PDE8A: variants seen among roughly 807,000 people sequenced by gnomAD.
PDE8A encodes high affinity cAMP-specific and IBMX-insensitive 3',5'-cyclic phosphodiesterase 8A.
A neutral mutation model predicts 105.0 loss-of-function variants in PDE8A; 59 were observed. The ratio of observed to expected loss-of-function variants is 0.56; its 90% confidence interval spans 0.46 to 0.70. PDE8A has a LOEUF of 0.70. Among genes scored for constraint, PDE8A ranks in the 30% least tolerant of loss-of-function variants. The pLI is 0.00. For synonymous variants in PDE8A, 355 were observed against 371.9 expected, an observed-to-expected ratio of 0.95 and a Z score of 0.52; for missense variants, 1,014 against 1,045.9, an observed-to-expected ratio of 0.97 and a Z score of 0.42.
At chr15:85,059,862 A>C (rs573114018) in intron 1 of PDE8A, among the ~76,000 whole-genome samples, 6 of 152,270 alleles carry the variant, frequency 3.9e-5, no homozygotes, top group Admixed American at 2.0e-4. Context: ...TTAAAAATTA[A>C]CCAGATGAGG....
At chr15:85,081,099 G>GA (rs965041731) in intron 5 of PDE8A, among the ~76,000 whole-genome samples, 5 of 152,206 alleles carry the variant, frequency 3.3e-5, no homozygotes, top group African/African-American at 1.2e-4. Flanking sequence ...AGACCTGGAG[G>GA]AAGGGGATTC....
rs150139665 is a variant in PDE8A at position 85,046,248 on chromosome 15, T to C, written c.187-18122T>C. 5.9e-3 allele frequency among the ~76,000 whole-genome samples: 904 copies of C among 152,036 alleles called. 14 individuals are homozygous for C. The highest frequency in any genetic ancestry group is 0.021 in the African/African-American group (858 of 41,484). ...ATTTTTAGTAGAGACAGGGTTTTAC[T>C]ATGTTGGCTAGGCTGGTCTTGAGCT... On this transcript the variant is annotated intron_variant, in intron 1 of 21. Coordinates refer to ENST00000394553, the MANE Select transcript of PDE8A (RefSeq NM_002605.3).
intron 1 of PDE8A, among the ~76,000 whole-genome samples, chr15:85,024,771 G>C (rs1429325576): frequency 6.6e-6 from 1 of 152,148 alleles, no homozygotes; most frequent in Non-Finnish European, 1.5e-5. Flanking sequence ...ATTCGGACTT[G>C]TTCATTCTAG....
At chr15:84,995,072 A>T (rs889768605) in intron 1 of PDE8A, among the ~76,000 whole-genome samples, 2 of 152,232 alleles carry the variant, frequency 1.3e-5, no homozygotes, top group Non-Finnish European at 2.9e-5. Context: ...TTTTGAAGCA[A>T]CATTTACACA....
intron 8 of PDE8A, among the ~76,000 whole-genome samples, chr15:85,096,326 G>A (rs1007670231): frequency 6.6e-6 from 1 of 152,002 alleles, no homozygotes; most frequent in Non-Finnish European, 1.5e-5. Context: ...GGGCATGGTG[G>A]TATGTGCCTG....
chr15:85,125,041 C>T (rs1425256341), intron 19 of PDE8A, among the ~76,000 whole-genome samples: 13 of 152,164 alleles, frequency 8.5e-5, no homozygotes, highest in Admixed American at 8.5e-4. Flanking sequence ...ACTATAGTCA[C>T]ACTGCAGGTA....
At chr15:85,064,244 T>A in intron 1 of PDE8A, 126 bp from the exon 2 acceptor site, 1 of 625,568 alleles carries the variant, frequency 1.6e-6, no homozygotes, top group Non-Finnish European at 2.8e-6. Flanking sequence ...ATTTATCTAC[T>A]ATTTACTTTA....
intron 1 of PDE8A, among the ~76,000 whole-genome samples, chr15:85,038,305 C>T (rs1872078592): frequency 1.3e-5 from 2 of 151,620 alleles, no homozygotes; most frequent in South Asian, 2.1e-4. Flanking sequence ...AGCTCTTTGT[C>T]AGTTTTACGT....
intron 1 of PDE8A, among the ~76,000 whole-genome samples, chr15:85,045,358 T>G (rs1259244424): frequency 2.0e-5 from 3 of 152,218 alleles, no homozygotes; most frequent in African/African-American, 7.2e-5. Context: ...TAGATACAGA[T>G]TACGGCCAGG....
chr15:85,064,540 C>T (rs2081191770), intron 2 of PDE8A, 114 bp downstream of exon 2: 3 of 681,924 alleles, frequency 4.4e-6, no homozygotes, highest in Admixed American at 2.6e-5. Flanking sequence ...AGTGTTTGGA[C>T]CAATGTTAAA....
chr15:84,993,244 C>G (rs940931805), intron 1 of PDE8A, among the ~76,000 whole-genome samples: 1 of 150,790 alleles, frequency 6.6e-6, no homozygotes, highest in Non-Finnish European at 1.5e-5. Context: ...GAGATCAAGA[C>G]CATCCTGGCT....
chr15:85,019,774 T>C (rs1461613786), intron 1 of PDE8A, among the ~76,000 whole-genome samples: 1 of 151,882 alleles, frequency 6.6e-6, no homozygotes, highest in Non-Finnish European at 1.5e-5. Flanking sequence ...GAGACGAGGT[T>C]TCACTATGTT....
intron 1 of PDE8A, among the ~76,000 whole-genome samples, chr15:85,017,726 A>G (rs942078229): frequency 6.6e-6 from 1 of 151,944 alleles, no homozygotes; most frequent in African/African-American, 2.4e-5. Flanking sequence ...GTCTCTACTA[A>G]AAATATAAAT....
rs2081499624 is a variant in PDE8A, at chr15:85,083,437, A to G, written c.547-119A>G. ...TCTTACCTTCTGTTCATCATTAATG[A>G]TAAAGTATTTTTTAGATTTCAGTTG... is the stretch of plus-strand genomic sequence containing the variant. On this transcript the variant is annotated intron_variant, in intron 5 of 21. Coordinates refer to ENST00000394553, the MANE Select transcript of PDE8A (RefSeq NM_002605.3). The G allele has an allele frequency of 6.4e-6, 4 of 628,458 alleles. No homozygotes were observed. In the Admixed American group the frequency reaches 1.1e-4, roughly 17 times the overall value. 38.9% of individuals were successfully genotyped at this position (628,458 alleles called of 1,614,324 possible).
At chr15:85,001,747 C>A (rs2080071145) in intron 1 of PDE8A, among the ~76,000 whole-genome samples, 1 of 152,190 alleles carries the variant, frequency 6.6e-6, no homozygotes, top group African/African-American at 2.4e-5. Flanking sequence ...GTGGCACAAA[C>A]ACACTTTCTA....
At chr15:84,995,141 T>G (rs1265129562) in intron 1 of PDE8A, among the ~76,000 whole-genome samples, 1 of 152,188 alleles carries the variant, frequency 6.6e-6, no homozygotes, top group Non-Finnish European at 1.5e-5. Flanking sequence ...CGCATACATA[T>G]ATCTGCGTAA....
At chr15:85,090,356 A>G (rs572454222) in intron 7 of PDE8A, among the ~76,000 whole-genome samples, 1 of 152,360 alleles carries the variant, frequency 6.6e-6, no homozygotes, top group South Asian at 2.1e-4. Flanking sequence ...TATAGTGCCC[A>G]GTGAGGAAAA....
At chr15:85,000,716 T>G (rs2080053674) in intron 1 of PDE8A, among the ~76,000 whole-genome samples, 1 of 152,196 alleles carries the variant, frequency 6.6e-6, no homozygotes, top group Non-Finnish European at 1.5e-5. Flanking sequence ...CAGGTCCATT[T>G]GGAGTCAGTG....
chr15:85,067,946 C>G (rs950043279), intron 3 of PDE8A, among the ~76,000 whole-genome samples: 1 of 152,112 alleles, frequency 6.6e-6, no homozygotes, highest in Non-Finnish European at 1.5e-5. Flanking sequence ...AGTAGTTTCT[C>G]CTGTGGCCTT....
Sources: allele counts gnomAD v4.1 joint callset (sites outside exome capture counted in the v4.1 genomes callset), GRCh38; gene constraint gnomAD v4.1.1; transcripts MANE v1.5; gene names NCBI Gene and HGNC (gene_info 2026-07-23, HGNC 2026-07-21).